CFH: variants seen among roughly 807,000 people sequenced by gnomAD.
CFH encodes complement factor H.
In CFH, 53 loss-of-function variants were observed where a neutral mutation model predicts 147.3. That is an observed-to-expected ratio of 0.36 (90% CI 0.29 to 0.45). CFH has a LOEUF of 0.45. CFH is among the 20% of genes least tolerant of loss of function. The pLI is 1.00. For synonymous variants in CFH, 536 were observed against 489.4 expected, an observed-to-expected ratio of 1.10 and a Z score of -1.26; for missense variants, 1,380 against 1,498.0, an observed-to-expected ratio of 0.92 and a Z score of 1.30.
intron 9 of CFH, among the ~76,000 whole-genome samples, chr1:196,711,791 C>CT (rs1445146219): frequency 6.6e-6 from 1 of 151,882 alleles, no homozygotes; most frequent in African/African-American, 2.4e-5. Flanking sequence ...AATCCTTTAC[C>CT]TTTTTGTTCT....
intron 21 of CFH, among the ~76,000 whole-genome samples, chr1:196,746,890 T>C (rs754057105): frequency 5.9e-5 from 9 of 152,182 alleles, no homozygotes; most frequent in Non-Finnish European, 1.3e-4. Flanking sequence ...TCATTGATAA[T>C]ACACCCCTAA....
At chr1:196,713,061 A>C (rs1222836705) in intron 9 of CFH, among the ~76,000 whole-genome samples, 1 of 151,976 alleles carries the variant, frequency 6.6e-6, no homozygotes, top group Non-Finnish European at 1.5e-5. Context: ...ATTGTGAATA[A>C]TGCCGCAATA....
intron 7 of CFH, among the ~76,000 whole-genome samples, chr1:196,687,010 G>A (rs973821674): frequency 2.6e-5 from 4 of 152,036 alleles, no homozygotes; most frequent in Admixed American, 2.6e-4. Flanking sequence ...TGATACAGAG[G>A]ATGATAATAA....
chr1:196,662,849 C>G (rs946672165), intron 1 of CFH, among the ~76,000 whole-genome samples: 2 of 151,296 alleles, frequency 1.3e-5, no homozygotes, highest in Admixed American at 1.3e-4. Flanking sequence ...CCACTGCACT[C>G]CAGCCTGGGC....
At chr1:196,698,507 C>T (rs960121625) in intron 9 of CFH, among the ~76,000 whole-genome samples, 1 of 152,022 alleles carries the variant, frequency 6.6e-6, no homozygotes, top group Non-Finnish European at 1.5e-5. Flanking sequence ...ATACACGCTC[C>T]CAACACTAAA....
At chr1:196,731,410 A>T (rs1203031447) in intron 15 of CFH, among the ~76,000 whole-genome samples, 5 of 151,824 alleles carry the variant, frequency 3.3e-5, no homozygotes, top group Non-Finnish European at 5.9e-5. Flanking sequence ...TGCTCCTCCC[A>T]TGTTTTCTAT....
chr1:196,709,535 C>A (rs1668675468), intron 9 of CFH, among the ~76,000 whole-genome samples: 1 of 152,052 alleles, frequency 6.6e-6, no homozygotes, highest in Non-Finnish European at 1.5e-5. Flanking sequence ...CCGGAAGGAA[C>A]TGAAACTGTC....
At chr1:196,733,608 C>G (rs140255805) in intron 15 of CFH, among the ~76,000 whole-genome samples, 1 of 152,030 alleles carries the variant, frequency 6.6e-6, no homozygotes, top group Non-Finnish European at 1.5e-5. Context: ...CCATATAAAA[C>G]GCCATTTCTT....
intron 9 of CFH, among the ~76,000 whole-genome samples, chr1:196,697,753 C>T (rs912124539): frequency 7.2e-5 from 11 of 151,994 alleles, no homozygotes; most frequent in Non-Finnish European, 1.3e-4. Flanking sequence ...TTGGAACCAA[C>T]CCAAATGTCC....
chr1:196,655,647 C>A (rs1666660335), intron 1 of CFH, among the ~76,000 whole-genome samples: 1 of 151,996 alleles, frequency 6.6e-6, no homozygotes. Context: ...TTCATTCTTC[C>A]CAGTTATGCC....
chr1:196,666,828 GT>G (rs1667112520), intron 1 of CFH, among the ~76,000 whole-genome samples: 1 of 148,892 alleles, frequency 6.7e-6, no homozygotes, highest in African/African-American at 2.5e-5. Flanking sequence ...AAAAAAAAGG[GT>G]TGCTTAACTT....
chr1:196,698,462 G>A (rs561191949), intron 9 of CFH, among the ~76,000 whole-genome samples: 2 of 152,204 alleles, frequency 1.3e-5, no homozygotes, highest in African/African-American at 2.4e-5. Context: ...AAATAAAGTA[G>A]AAAATCTGGA....
intron 9 of CFH, among the ~76,000 whole-genome samples, chr1:196,710,008 C>A (rs1668686495): frequency 1.4e-5 from 2 of 146,500 alleles, no homozygotes; most frequent in Non-Finnish European, 3.0e-5. Context: ...GATCATCTTG[C>A]TCAAAAACAA....
intron 15 of CFH, among the ~76,000 whole-genome samples, chr1:196,729,124 G>A (rs918409737): frequency 6.6e-6 from 1 of 151,820 alleles, no homozygotes; most frequent in Non-Finnish European, 1.5e-5. Context: ...TCCAATTGTG[G>A]GTTTCCTTGC....
At chr1:196,708,461 T>G (rs1357003743) in intron 9 of CFH, among the ~76,000 whole-genome samples, 1 of 152,140 alleles carries the variant, frequency 6.6e-6, no homozygotes, top group African/African-American at 2.4e-5. Flanking sequence ...CATGGCATAC[T>G]GGGCAGACAA....
At chr1:196,673,312 A>G (rs1667346867) in intron 2 of CFH, 149 bp downstream of exon 2, 1 of 773,750 alleles carries the variant, frequency 1.3e-6, no homozygotes, top group Non-Finnish European at 2.1e-6. Flanking sequence ...TTTGAGATGG[A>G]GTCTGGCTCT....
chr1:196,680,200 C>T lies in CFH; in HGVS notation c.790+407C>T, dbSNP rs185141304. ...ACTTTAAAAGTAACTTGTATTAATA[C>T]CAGGTGAGGAAACTCTCAACTGACA... On this transcript the variant is annotated intron_variant, in intron 6 of 21. Transcript: ENST00000367429. Among the ~76,000 whole-genome samples the T allele has an allele frequency of 7.1e-3, 1,071 of 151,330 alleles. 6 individuals are homozygous for T. Among genetic ancestry groups the T allele is most frequent in the Non-Finnish European group, 0.013 (868 of 67,754 alleles).
At position 196,746,438 on chromosome 1, in the gene CFH, G is replaced by A. The variant is rs376819818; in HGVS notation, c.3493+439G>A. On this transcript the variant is annotated intron_variant, in intron 21 of 21. Transcript: ENST00000367429. ...TGCACTCCAGCCTGGGTGACAAAGC[G>A]AGACTCCGTCTCAATAAAAACAACA... Among the ~76,000 whole-genome samples, 3 of 152,120 alleles carry A rather than the reference G, an allele frequency of 2.0e-5. No individual in the cohort carries two copies. The East Asian group carries it at 5.8e-4, about 29-fold the overall frequency.
chr1:196,698,128 C>G (rs1668340686), intron 9 of CFH, among the ~76,000 whole-genome samples: 1 of 151,920 alleles, frequency 6.6e-6, no homozygotes, highest in Non-Finnish European at 1.5e-5. Flanking sequence ...ACGTAGTGCA[C>G]ATGTACCCTA....
Sources: allele counts gnomAD v4.1 joint callset (sites outside exome capture counted in the v4.1 genomes callset), GRCh38; gene constraint gnomAD v4.1.1; transcripts MANE v1.5; gene names NCBI Gene and HGNC (gene_info 2026-07-23, HGNC 2026-07-21).